Variants in UGGT2 observed in about 807,000 individuals in gnomAD.
The protein encoded by UGGT2 is UDP-glucose glycoprotein glucosyltransferase 2, also known as UDP-glucose:glycoprotein glucosyltransferase 2.
Under a neutral mutation model 192.1 loss-of-function variants are expected in UGGT2, and 180 were observed. That is an observed-to-expected ratio of 0.94 (90% CI 0.83 to 1.06). The LOEUF is 1.06. Ranked by LOEUF, UGGT2 falls within the 50% of genes least tolerant of loss-of-function variation. The pLI is 0.00. For synonymous variants in UGGT2, 580 were observed against 591.0 expected (o/e 0.98, Z 0.27); for missense variants, 1,849 against 1,795.7 (o/e 1.03, Z -0.54).
chr13:96,032,315 GATAGAACATTAT>G (rs2052862435), intron 1 of UGGT2, among the ~76,000 whole-genome samples: 1 of 151,382 alleles, frequency 6.6e-6, no homozygotes, highest in Admixed American at 6.6e-5. Context: ...TTATAATTAA[GATAGAACATTAT>G]ATAAAGGTAA....
chr13:95,821,091 G>T (rs920559385), intron 38 of UGGT2, among the ~76,000 whole-genome samples: 1 of 152,048 alleles, frequency 6.6e-6, no homozygotes, highest in African/African-American at 2.4e-5. Flanking sequence ...TTCTTTTCCG[G>T]TGGGGAGATA....
chr13:95,949,412 G>T lies in UGGT2; in HGVS notation c.1378C>A (p.Pro460Thr). Residue 460 changes from proline (P) to threonine (T), a missense_variant, in exon 13 of 39, where the codon CCT becomes ACT. Pro to Thr is a conservative substitution (Grantham distance 38). Transcript: ENST00000376747. ...TTCAGAAGTTTCTGGCAACTTGTAG[G>T]CCATGTAATATACAAATCATCATTT... ...LENDDLYITW[P>T]TSCQKLLKPV... 6.3e-7 allele frequency: 1 copy of T among 1,578,628 alleles called. No homozygotes were observed. The highest frequency in any genetic ancestry group is 8.6e-7 in the Non-Finnish European group (1 of 1,160,460).
chr13:95,853,484 C>G, intron 36 of UGGT2, 59 bp downstream of exon 36: 1 of 1,354,146 alleles, frequency 7.4e-7, no homozygotes, highest in South Asian at 1.3e-5. Context: ...TTTATGAGCA[C>G]GGAGTTGGAA....
intron 36 of UGGT2, among the ~76,000 whole-genome samples, chr13:95,844,346 T>C (rs554246428): frequency 6.6e-6 from 1 of 152,122 alleles, no homozygotes; most frequent in Non-Finnish European, 1.5e-5. Context: ...CTAATAAATA[T>C]AGAAAAAATA....
At chr13:95,988,584 A>G (rs2051362686) in intron 8 of UGGT2, among the ~76,000 whole-genome samples, 2 of 152,166 alleles carry the variant, frequency 1.3e-5, no homozygotes, top group South Asian at 4.1e-4. Flanking sequence ...CAGTAAATCT[A>G]TCATAACAAT....
intron 29 of UGGT2, chr13:95,877,042 T>G (rs1001160698): frequency 8.4e-6 from 3 of 358,236 alleles, no homozygotes; most frequent in African/African-American, 6.3e-5. Flanking sequence ...CGCCACCATG[T>G]CTGGCAAATT....
intron 10 of UGGT2, among the ~76,000 whole-genome samples, chr13:95,981,798 C>A (rs1402370763): frequency 6.6e-6 from 1 of 152,124 alleles, no homozygotes. Flanking sequence ...ATTTTCTTAC[C>A]TTCTCATCAC....
At chr13:95,941,110 A>G (rs547185634) in intron 15 of UGGT2, among the ~76,000 whole-genome samples, 1 of 152,218 alleles carries the variant, frequency 6.6e-6, no homozygotes, top group African/African-American at 2.4e-5. Context: ...AAGCTGAGAC[A>G]TAAGTATGAA....
chr13:96,053,230 G>T lies in UGGT2; in HGVS notation c.83C>A (p.Thr28Lys). 1 of 1,545,178 alleles carries T rather than the reference G, an allele frequency of 6.5e-7. No homozygotes were observed. The highest frequency in any genetic ancestry group is 8.7e-7 in the Non-Finnish European group (1 of 1,152,824). Residue 28 changes from threonine to lysine, a missense_variant, in exon 1 of 39, where the codon ACG becomes AAG. Coordinates refer to ENST00000376747, the MANE Select transcript of UGGT2 (RefSeq NM_020121.4). The stretch of plus-strand genomic sequence containing the variant: ...AGTCACCGACTTGGACGCGGCGACC[G>T]TCCCGGAGCCGAGCTGCGAAAGCCA... ...ALWLSQLGSGTVAASKSVTAH... is the reference protein window; with the variant it reads ...ALWLSQLGSGKVAASKSVTAH...
At chr13:95,897,319 C>T (rs2047975051) in intron 22 of UGGT2, among the ~76,000 whole-genome samples, 1 of 152,118 alleles carries the variant, frequency 6.6e-6, no homozygotes, top group Non-Finnish European at 1.5e-5. Flanking sequence ...AAAGACCCTG[C>T]TTTTGTTCCC....
At position 96,017,551 on chromosome 13, in the gene UGGT2, T is replaced by C. The variant is rs760074632; in HGVS notation, c.486-4070A>G. On this transcript the variant is annotated intron_variant, in intron 4 of 38. Coordinates refer to ENST00000376747, the MANE Select transcript of UGGT2 (RefSeq NM_020121.4). ...TTACCCAGCCTCAGGTATTTCTTTATAGTAACACAAAAACAGCCTAACACA... is the reference window on the plus strand; with the variant it reads ...TTACCCAGCCTCAGGTATTTCTTTACAGTAACACAAAAACAGCCTAACACA... Among the ~76,000 whole-genome samples the C allele has an allele frequency of 2.6e-5, 4 of 152,246 alleles. No individual in the cohort carries two copies. The East Asian group carries it at 5.8e-4, about 22-fold the overall frequency.
chr13:95,951,709 T>A (rs1351462754), intron 12 of UGGT2, among the ~76,000 whole-genome samples: 1 of 152,202 alleles, frequency 6.6e-6, no homozygotes, highest in Non-Finnish European at 1.5e-5. Context: ...GCCATGACAT[T>A]TGAGCATGTA....
intron 38 of UGGT2, among the ~76,000 whole-genome samples, chr13:95,831,332 C>CT (rs1886664439): frequency 6.6e-6 from 1 of 152,012 alleles, no homozygotes; most frequent in Admixed American, 6.6e-5. Flanking sequence ...ATATACATAT[C>CT]TATACACAAA....
Position 95,927,277 on chromosome 13 carries a change from TACA to T in UGGT2, c.2034_2036del (p.Val679del), listed in dbSNP as rs778854804. 3.7e-6 allele frequency: 6 copies of T among 1,612,198 alleles called. No homozygotes were observed. In the African/African-American group the frequency reaches 5.3e-5, roughly 14 times the overall value. On this transcript the variant is annotated inframe_deletion, in exon 18 of 39. Transcript: ENST00000376747. The stretch of plus-strand genomic sequence containing the variant: ...GCAAAATCAAAGTATTTATACGGGG[TACA>T]ACATTATTCCTATCCATTAGAAAAT...
At position 95,948,006 on chromosome 13, in the gene UGGT2, C is replaced by T. The variant is rs1204945197; in HGVS notation, c.1531G>A (p.Val511Ile). The T allele has an allele frequency of 6.2e-7, 1 of 1,612,360 alleles. No homozygotes were observed. Among genetic ancestry groups the T allele is most frequent in the Middle Eastern group, 1.7e-4 (1 of 6,036 alleles). ...KLADVFYSHE[V>I]PLRIGFVFIL... ...TAAAATGACAATTACCTAAGAGGAA[C>T]TTCGTGAGAATAGAAAACATCAGCA... The change falls in exon 14 of 39, where the codon GTT becomes ATT. Residue 511 changes from valine to isoleucine, a missense_variant. Val to Ile is a conservative substitution (Grantham distance 29). Coordinates refer to ENST00000376747, the MANE Select transcript of UGGT2 (RefSeq NM_020121.4).
At chr13:95,962,460 T>A (rs551616648) in intron 12 of UGGT2, among the ~76,000 whole-genome samples, 2 of 151,956 alleles carry the variant, frequency 1.3e-5, no homozygotes, top group South Asian at 4.1e-4. Flanking sequence ...AATGGATAAA[T>A]TCCTGGACAT....
chr13:95,953,073 T>G (rs1176885853), intron 12 of UGGT2, among the ~76,000 whole-genome samples: 1 of 152,236 alleles, frequency 6.6e-6, no homozygotes, highest in Non-Finnish European at 1.5e-5. Flanking sequence ...GGGCATATTT[T>G]CTGTCATTTT....
intron 37 of UGGT2, among the ~76,000 whole-genome samples, chr13:95,836,389 G>A: frequency 6.6e-6 from 1 of 152,172 alleles, no homozygotes; most frequent in Non-Finnish European, 1.5e-5. Context: ...GCAGAAAAGA[G>A]TTAATACAGA....
chr13:96,025,445 CCAAA>C (rs2052635645), intron 2 of UGGT2, among the ~76,000 whole-genome samples: 2 of 152,086 alleles, frequency 1.3e-5, no homozygotes, highest in South Asian at 2.1e-4. Context: ...AAAATATCTC[CCAAA>C]CAATGTCTTA....
Sources: allele counts gnomAD v4.1 joint callset (sites outside exome capture counted in the v4.1 genomes callset), GRCh38; gene constraint gnomAD v4.1.1; transcripts MANE v1.5; gene names NCBI Gene and HGNC (gene_info 2026-07-23, HGNC 2026-07-21).